ROBO2: variants seen among roughly 807,000 people sequenced by gnomAD.
ROBO2 encodes the protein roundabout guidance receptor 2, also known as roundabout homolog 2.
ROBO2 carries 53 observed loss-of-function variants against 160.8 expected under a neutral mutation model. The observed-to-expected ratio is 0.33, with a 90% CI of 0.26 to 0.41. ROBO2 has a LOEUF of 0.41. Ranked by LOEUF, ROBO2 falls within the 10% of genes least tolerant of loss-of-function variation. ROBO2 has a pLI of 1.00. For missense variants in ROBO2, 1,577 were observed against 1,722.4 expected (o/e 0.92, Z 1.49); for synonymous variants, 664 against 611.7 (o/e 1.09, Z -1.26).
chr3:75,981,908 C>G (rs2065289247), intron 2 of ROBO2, among the ~76,000 whole-genome samples: 1 of 151,222 alleles, frequency 6.6e-6, no homozygotes, highest in Non-Finnish European at 1.5e-5. Context: ...CCCTCTGCCC[C>G]CTCCCAAAAA....
intron 15 of ROBO2, among the ~76,000 whole-genome samples, chr3:77,578,565 C>A (rs1267832860): frequency 6.6e-6 from 1 of 151,966 alleles, no homozygotes; most frequent in Non-Finnish European, 1.5e-5. Context: ...TTTTTACATA[C>A]AATTTTATTA....
intron 2 of ROBO2, among the ~76,000 whole-genome samples, chr3:76,013,504 A>AATT (rs2066277075): frequency 1.3e-5 from 2 of 150,558 alleles, no homozygotes; most frequent in African/African-American, 2.4e-5. Context: ...GCATAAAGGC[A>AATT]GTTGGAGGCT....
intron 2 of ROBO2, among the ~76,000 whole-genome samples, chr3:76,391,608 G>A (rs537370409): frequency 2.6e-5 from 4 of 151,872 alleles, no homozygotes; most frequent in African/African-American, 4.8e-5. Context: ...TGCAGCCTCC[G>A]CCTCCCAGGT....
At chr3:75,992,075 A>G (rs1485858325) in intron 2 of ROBO2, among the ~76,000 whole-genome samples, 2 of 152,154 alleles carry the variant, frequency 1.3e-5, no homozygotes, top group African/African-American at 4.8e-5. Context: ...AGTTTGGAAA[A>G]TTTGCAGCCT....
chr3:76,109,196 A>G (rs1307213700), intron 2 of ROBO2, among the ~76,000 whole-genome samples: 11 of 151,976 alleles, frequency 7.2e-5, no homozygotes, highest in Non-Finnish European at 5.9e-5. Flanking sequence ...ATAGTGTTTC[A>G]TAAATGAGTT....
chr3:77,643,009 G>C (rs547800260), intron 24 of ROBO2, 66 bp downstream of exon 26: 95 of 438,846 alleles, frequency 2.2e-4, no homozygotes, highest in Non-Finnish European at 3.3e-4. Context: ...AGGTATTCTA[G>C]AAATGGCAGT....
At chr3:77,275,266 A>G (rs1211373330) in intron 2 of ROBO2, among the ~76,000 whole-genome samples, 2 of 152,186 alleles carry the variant, frequency 1.3e-5, no homozygotes, top group African/African-American at 2.4e-5. Flanking sequence ...ATACTATGTG[A>G]TAAGGCAAAT....
At position 77,177,464 on chromosome 3, in the gene ROBO2, A is replaced by T. The variant is rs193061424; in HGVS notation, c.388+79124A>T. ...AAAAGACTTTAAAAGTACTGTTTGC[A>T]TACAATCTTGTGCATCCTCCTTCAT... is the stretch of plus-strand genomic sequence containing the variant. On this transcript the variant is annotated intron_variant, in intron 2 of 25. Transcript: ENST00000461745. Among the ~76,000 whole-genome samples the T allele has an allele frequency of 2.6e-5, 4 of 152,188 alleles. No homozygotes were observed. The East Asian group carries it at 7.7e-4, about 29-fold the overall frequency.
chr3:75,943,554 C>T (rs1948146075), intron 2 of ROBO2, among the ~76,000 whole-genome samples: 1 of 152,038 alleles, frequency 6.6e-6, no homozygotes, highest in Admixed American at 6.6e-5. Flanking sequence ...TACTAGATGT[C>T]ATTGTCTATG....
intron 2 of ROBO2, among the ~76,000 whole-genome samples, chr3:76,185,215 TACAC>T (rs1553669701): frequency 4.4e-5 from 4 of 90,288 alleles, no homozygotes; most frequent in East Asian, 5.4e-4. Flanking sequence ...TATATATATA[TACAC>T]ACACAAAGAT....
At chr3:77,229,576 G>A (rs77262874) in intron 2 of ROBO2, among the ~76,000 whole-genome samples, 6 of 151,762 alleles carry the variant, frequency 4.0e-5, no homozygotes, top group South Asian at 2.1e-4. Flanking sequence ...CAGGAGGATC[G>A]CTTGAACCCA....
At chr3:77,121,639 G>A (rs34444406) in intron 2 of ROBO2, among the ~76,000 whole-genome samples, 10,025 of 152,034 alleles carry the variant, frequency 0.066, 377 homozygotes, top group East Asian at 0.12. Context: ...ACTTAAGCCA[G>A]ATTTGTTTTG....
chr3:76,936,287 A>G (rs1407798645), intron 2 of ROBO2, among the ~76,000 whole-genome samples: 3 of 152,172 alleles, frequency 2.0e-5, no homozygotes, highest in African/African-American at 7.2e-5. Flanking sequence ...CTTTCCAATA[A>G]TGTGAAGATC....
At chr3:76,739,573 A>T (rs1277135309) in intron 2 of ROBO2, among the ~76,000 whole-genome samples, 1 of 152,020 alleles carries the variant, frequency 6.6e-6, no homozygotes, top group African/African-American at 2.4e-5. Flanking sequence ...ACATGTATAC[A>T]TATGTAACTG....
chr3:76,008,736 A>AT (rs5850226), intron 2 of ROBO2, among the ~76,000 whole-genome samples: 46 of 151,066 alleles, frequency 3.0e-4, no homozygotes, highest in African/African-American at 8.5e-4. Context: ...GGTAGAAGGG[A>AT]TTTTTTTTTT....
At chr3:76,239,773 GCTTAT>G (rs891595075) in intron 2 of ROBO2, among the ~76,000 whole-genome samples, 1 of 152,146 alleles carries the variant, frequency 6.6e-6, no homozygotes, top group Non-Finnish European at 1.5e-5. Context: ...TTTGTAAAGT[GCTTAT>G]CTACAGTGAC....
intron 2 of ROBO2, among the ~76,000 whole-genome samples, chr3:76,328,905 T>G (rs202145646): frequency 0.35 from 43,175 of 123,552 alleles, 6,679 homozygotes; most frequent in Middle Eastern, 0.38. Context: ...TATATTTATG[T>G]TATTATATAT....
intron 2 of ROBO2, among the ~76,000 whole-genome samples, chr3:76,453,122 G>T (rs1338724472): frequency 6.6e-6 from 1 of 152,068 alleles, no homozygotes; most frequent in Non-Finnish European, 1.5e-5. Flanking sequence ...CCATTCTGTA[G>T]GCTGCCTGTT....
At chr3:76,337,280 T>C (rs2073953091) in intron 2 of ROBO2, among the ~76,000 whole-genome samples, 1 of 152,166 alleles carries the variant, frequency 6.6e-6, no homozygotes, top group Admixed American at 6.5e-5. Flanking sequence ...AACAGCTCTG[T>C]ATACACTAGA....
Sources: allele counts gnomAD v4.1 joint callset (sites outside exome capture counted in the v4.1 genomes callset), GRCh38; gene constraint gnomAD v4.1.1; transcripts MANE v1.5; gene names NCBI Gene and HGNC (gene_info 2026-07-23, HGNC 2026-07-21).